Variants in PDGFD observed in about 807,000 individuals in gnomAD.
PDGFD encodes platelet-derived growth factor D.
In PDGFD, 30 loss-of-function variants were observed where a neutral mutation model predicts 44.7. The ratio of observed to expected loss-of-function variants is 0.67; its 90% CI spans 0.50 to 0.91. The LOEUF (loss-of-function observed/expected upper bound fraction) is 0.91, where lower values mean the gene tolerates loss of function less well. Ranked by LOEUF, PDGFD falls within the 40% of genes least tolerant of loss-of-function variation. The pLI is 0.00. For synonymous variants in PDGFD, 173 were observed against 168.4 expected (o/e 1.03, Z -0.21); for missense variants, 445 against 457.8 (o/e 0.97, Z 0.25).
In PDGFD at chr11:104,133,501, C is replaced by T. The variant is rs146142635; in HGVS notation, c.124+30303G>A. ...ATGAAGATATCCAGCCATATTTACA[C>T]ACTTGGAGTTGTCTAGCACAAGAGA... On this transcript the variant is annotated intron_variant, in intron 1 of 6. Coordinates refer to ENST00000393158, the MANE Select transcript of PDGFD (RefSeq NM_025208.5). 7.3e-3 allele frequency among the ~76,000 whole-genome samples: 1,110 copies of T among 152,236 alleles called. 7 individuals are homozygous for T. The highest frequency in any genetic ancestry group is 0.024 in the African/African-American group (995 of 41,566).
intron 1 of PDGFD, among the ~76,000 whole-genome samples, chr11:104,042,782 T>G (rs1374929331): frequency 6.6e-6 from 1 of 152,234 alleles, no homozygotes; most frequent in East Asian, 1.9e-4. Flanking sequence ...ATTCTTACCC[T>G]ACACCATCAA....
intron 3 of PDGFD, among the ~76,000 whole-genome samples, chr11:103,961,619 T>A (rs904208333): frequency 2.6e-5 from 4 of 151,644 alleles, no homozygotes; most frequent in Non-Finnish European, 5.9e-5. Context: ...CAGAGGATCC[T>A]GAAGACCACA....
intron 1 of PDGFD, among the ~76,000 whole-genome samples, chr11:104,069,392 TA>T (rs1197480376): frequency 4.6e-5 from 7 of 152,230 alleles, no homozygotes; most frequent in Non-Finnish European, 8.8e-5. Flanking sequence ...ACTATTTGGT[TA>T]AAGTGGTATC....
chr11:104,122,719 AT>A (rs11316424), intron 1 of PDGFD, among the ~76,000 whole-genome samples: 20,895 of 112,304 alleles, frequency 0.19, 1,606 homozygotes, highest in East Asian at 0.37. Flanking sequence ...AATACAAACA[AT>A]TTTTTTTTAA....
intron 2 of PDGFD, among the ~76,000 whole-genome samples, chr11:103,996,604 A>G (rs1859536971): frequency 6.6e-6 from 1 of 152,218 alleles, no homozygotes; most frequent in African/African-American, 2.4e-5. Flanking sequence ...TATAGGCCCA[A>G]ATATTAACTA....
chr11:104,074,835 G>C (rs758862878), intron 1 of PDGFD, among the ~76,000 whole-genome samples: 7 of 152,130 alleles, frequency 4.6e-5, no homozygotes, highest in Non-Finnish European at 7.4e-5. Context: ...TGCCTGGGAG[G>C]GAGCAAGTAG....
chr11:103,972,702 G>C (rs1174006074), intron 3 of PDGFD, among the ~76,000 whole-genome samples: 1 of 152,160 alleles, frequency 6.6e-6, no homozygotes, highest in East Asian at 1.9e-4. Flanking sequence ...CTAATGATGG[G>C]AGGTGCAAAT....
chr11:103,910,504 T>C (rs1200682264), intron 6 of PDGFD, among the ~76,000 whole-genome samples: 2 of 152,006 alleles, frequency 1.3e-5, no homozygotes, highest in Non-Finnish European at 2.9e-5. Flanking sequence ...GGGTGGGGGA[T>C]CTCCTTCCCC....
chr11:103,925,716 C>CACATATATATATATATATATATATAT (rs1198529368), intron 6 of PDGFD, among the ~76,000 whole-genome samples: 1 of 122,778 alleles, frequency 8.1e-6, no homozygotes, highest in African/African-American at 3.2e-5. Context: ...CACACACACA[C>CACATATATATATATATATATATATAT]ATATATATAT....
chr11:104,097,589 T>C (rs1363702820), intron 1 of PDGFD, among the ~76,000 whole-genome samples: 1 of 152,178 alleles, frequency 6.6e-6, no homozygotes, highest in Non-Finnish European at 1.5e-5. Context: ...ATGCTAATGT[T>C]ATACAGAGAT....
chr11:104,084,218 T>C (rs911738945), intron 1 of PDGFD, among the ~76,000 whole-genome samples: 8 of 152,020 alleles, frequency 5.3e-5, no homozygotes, highest in Non-Finnish European at 2.9e-5. Flanking sequence ...AACTCACAAA[T>C]AGAGAAACAA....
chr11:104,025,932 T>A (rs917567812), intron 1 of PDGFD, among the ~76,000 whole-genome samples: 3 of 152,212 alleles, frequency 2.0e-5, no homozygotes. Flanking sequence ...CACCCACATA[T>A]CTGTTAGGCA....
chr11:103,973,386 A>T (rs1263668795), intron 3 of PDGFD, among the ~76,000 whole-genome samples: 1 of 151,332 alleles, frequency 6.6e-6, no homozygotes, highest in Admixed American at 6.6e-5. Context: ...CGACCTCAAG[A>T]TCTGCCCGTC....
chr11:103,943,310 T>A, intron 5 of PDGFD, 142 bp downstream of exon 5: 1 of 758,838 alleles, frequency 1.3e-6, no homozygotes, highest in East Asian at 2.7e-5. Flanking sequence ...CCAGCAAGTA[T>A]AAATGTAAAT....
At chr11:104,119,320 TTG>T (rs1861715695) in intron 1 of PDGFD, among the ~76,000 whole-genome samples, 1 of 68,012 alleles carries the variant, frequency 1.5e-5, no homozygotes, top group Non-Finnish European at 2.5e-5. Context: ...ATATAATATA[TTG>T]ATATAATATA....
At chr11:103,979,542 C>T (rs1219254715) in intron 3 of PDGFD, among the ~76,000 whole-genome samples, 3 of 151,988 alleles carry the variant, frequency 2.0e-5, no homozygotes, top group Admixed American at 6.6e-5. Flanking sequence ...CCTGCCATGG[C>T]GATTGAGAGG....
chr11:104,008,652 G>A (rs1859738503), intron 1 of PDGFD, among the ~76,000 whole-genome samples: 1 of 151,946 alleles, frequency 6.6e-6, no homozygotes, highest in South Asian at 2.1e-4. Context: ...GTCTATCTAG[G>A]TAGAAGAGAT....
intron 1 of PDGFD, among the ~76,000 whole-genome samples, chr11:104,073,102 A>C (rs1860904382): frequency 2.0e-5 from 3 of 152,080 alleles, no homozygotes; most frequent in African/African-American, 7.2e-5. Context: ...TAACTAGATG[A>C]TATAATGTGA....
intron 1 of PDGFD, among the ~76,000 whole-genome samples, chr11:104,036,267 C>T (rs925439158): frequency 6.6e-6 from 1 of 151,702 alleles, no homozygotes; most frequent in Admixed American, 6.6e-5. Flanking sequence ...CAGTGAGACC[C>T]CAAATCTATT....
Sources: gnomAD v4.1 joint callset for allele counts (sites outside exome capture counted in the v4.1 genomes callset) on GRCh38, gnomAD v4.1.1 for gene constraint, MANE v1.5 for transcripts, NCBI Gene and HGNC (gene_info 2026-07-23, HGNC 2026-07-21) for gene names.